Variants in RARB observed in about 807,000 individuals in gnomAD.
RARB encodes the protein HBV-activated protein.
In RARB, 17 loss-of-function variants were observed where a neutral mutation model predicts 51.9. The observed-to-expected ratio is 0.33, with a 90% confidence interval of 0.22 to 0.49. The LOEUF (loss-of-function observed/expected upper bound fraction) is 0.49, where lower values mean the gene tolerates loss of function less well. Among genes scored for constraint, RARB ranks in the 20% least tolerant of loss-of-function variants. The probability of loss-of-function intolerance (pLI) is 0.99; values close to 1 mark genes in which losing one functional copy is unlikely to be tolerated. For missense variants in RARB, 369 were observed against 550.8 expected, an observed-to-expected ratio of 0.67 and a Z score of 3.30; for synonymous variants, 215 against 195.4, an observed-to-expected ratio of 1.10 and a Z score of -0.84.
chr3:25,538,719 A>G (rs930606203), intron 3 of RARB, among the ~76,000 whole-genome samples: 3 of 152,250 alleles, frequency 2.0e-5, no homozygotes, highest in South Asian at 2.1e-4. Flanking sequence ...AAACACTAGA[A>G]TCATGGTCCT....
At chr3:25,239,806 AT>A (rs1702388163) in intron 5 of RARB, among the ~76,000 whole-genome samples, 1 of 151,792 alleles carries the variant, frequency 6.6e-6, no homozygotes, top group Non-Finnish European at 1.5e-5. Context: ...TTCCATACAA[AT>A]TTTTTCTATT....
At chr3:25,114,970 T>C (rs1425691120) in intron 3 of RARB, among the ~76,000 whole-genome samples, 1 of 152,212 alleles carries the variant, frequency 6.6e-6, no homozygotes, top group African/African-American at 2.4e-5. Flanking sequence ...CATTAACCAA[T>C]GTATTTAGCT....
At chr3:25,017,084 G>A (rs1250671710) in intron 2 of RARB, among the ~76,000 whole-genome samples, 1 of 152,150 alleles carries the variant, frequency 6.6e-6, no homozygotes, top group African/African-American at 2.4e-5. Context: ...TTCTTGGTGT[G>A]GAGTGGCAGG....
chr3:25,167,610 A>G (rs1261933425), intron 4 of RARB, among the ~76,000 whole-genome samples: 1 of 152,202 alleles, frequency 6.6e-6, no homozygotes, highest in East Asian at 1.9e-4. Flanking sequence ...TAAGCAGAAG[A>G]TAAATTCACT....
At chr3:25,139,117 G>A (rs1317780999) in intron 4 of RARB, among the ~76,000 whole-genome samples, 1 of 152,028 alleles carries the variant, frequency 6.6e-6, no homozygotes, top group East Asian at 1.9e-4. Flanking sequence ...GCCATTCCTT[G>A]TCTCCCTCTT....
At chr3:24,920,564 T>C (rs1243476567) in intron 2 of RARB, among the ~76,000 whole-genome samples, 1 of 149,420 alleles carries the variant, frequency 6.7e-6, no homozygotes, top group Non-Finnish European at 1.5e-5. Context: ...CTTTTCCAGA[T>C]AAAGAACAAA....
chr3:25,395,001 T>G (rs1707077735), intron 5 of RARB, among the ~76,000 whole-genome samples: 1 of 152,248 alleles, frequency 6.6e-6, no homozygotes, highest in Admixed American at 6.5e-5. Context: ...TTACAGTCCC[T>G]GTGGGATTTA....
intron 5 of RARB, 122 bp downstream of exon 5, chr3:25,580,844 C>T (rs190081654): frequency 6.7e-4 from 725 of 1,088,934 alleles, no homozygotes; most frequent in Non-Finnish European, 7.5e-4. Flanking sequence ...GACTCTAGCA[C>T]TCACCTGACT....
At chr3:25,071,161 TCTG>T (rs1194778052) in intron 3 of RARB, among the ~76,000 whole-genome samples, 2 of 152,240 alleles carry the variant, frequency 1.3e-5, no homozygotes, top group African/African-American at 4.8e-5. Flanking sequence ...CACTGCTACT[TCTG>T]CAGTGCTCAG....
At chr3:25,501,451 T>A (rs1697310841) in intron 3 of RARB, 128 bp downstream of exon 3, 1 of 1,164,508 alleles carries the variant, frequency 8.6e-7, no homozygotes, top group African/African-American at 1.6e-5. Flanking sequence ...TGAATAGAGA[T>A]GACATGAAAA....
intron 1 of RARB, among the ~76,000 whole-genome samples, chr3:24,854,673 G>A (rs995571208): frequency 6.6e-6 from 1 of 151,966 alleles, no homozygotes; most frequent in African/African-American, 2.4e-5. Flanking sequence ...TCTAGGACAG[G>A]GTTACTCAAC....
intron 5 of RARB, among the ~76,000 whole-genome samples, chr3:25,222,706 G>A (rs1701973748): frequency 6.6e-6 from 1 of 152,164 alleles, no homozygotes; most frequent in East Asian, 1.9e-4. Flanking sequence ...AATTTTTTAT[G>A]TAGATCCTTG....
chr3:25,232,055 T>C (rs1702190690), intron 5 of RARB, among the ~76,000 whole-genome samples: 1 of 152,198 alleles, frequency 6.6e-6, no homozygotes, highest in Non-Finnish European at 1.5e-5. Flanking sequence ...TTTGAGATTC[T>C]TTATTTGCAT....
intron 1 of RARB, among the ~76,000 whole-genome samples, chr3:25,445,625 C>CG (rs1708897041): frequency 6.6e-6 from 1 of 152,036 alleles, no homozygotes; most frequent in Non-Finnish European, 1.5e-5. Context: ...CGAGGTCGCG[C>CG]CACTGCACTC....
At chr3:25,234,575 A>G (rs751151173) in intron 5 of RARB, among the ~76,000 whole-genome samples, 1 of 151,856 alleles carries the variant, frequency 6.6e-6, no homozygotes, top group Non-Finnish European at 1.5e-5. Context: ...CTTGGGGGTG[A>G]ACCTGGAACC....
chr3:24,957,061 G>A (rs1696032584), intron 2 of RARB, among the ~76,000 whole-genome samples: 1 of 152,136 alleles, frequency 6.6e-6, no homozygotes, highest in Admixed American at 6.5e-5. Flanking sequence ...CCCTGGAGAG[G>A]AGTAATATTG....
chr3:25,204,615 CT>C (rs1701485352), intron 5 of RARB, among the ~76,000 whole-genome samples: 1 of 152,088 alleles, frequency 6.6e-6, no homozygotes, highest in South Asian at 2.1e-4. Context: ...TGTGGATGTC[CT>C]TTCTGTTTGT....
chr3:25,262,227 C>G (rs999578901), intron 5 of RARB, among the ~76,000 whole-genome samples: 2 of 152,090 alleles, frequency 1.3e-5, no homozygotes, highest in African/African-American at 4.8e-5. Flanking sequence ...GAACCTGTGC[C>G]CAGAGTGAGT....
intron 3 of RARB, among the ~76,000 whole-genome samples, chr3:25,090,263 T>C (rs538759877): frequency 3.5e-4 from 53 of 152,144 alleles, no homozygotes; most frequent in Non-Finnish European, 6.0e-4. Flanking sequence ...TTTTAAGTTC[T>C]TGGGAAAAAT....
Sources: allele counts gnomAD v4.1 joint callset (sites outside exome capture counted in the v4.1 genomes callset), GRCh38; gene constraint gnomAD v4.1.1; transcripts MANE v1.5; gene names NCBI Gene and HGNC (gene_info 2026-07-23, HGNC 2026-07-21).